SPTBN4: variants seen among roughly 807,000 people sequenced by gnomAD.
The protein encoded by SPTBN4 is spectrin beta, non-erythrocytic 4, also known as spectrin beta chain, non-erythrocytic 4.
Under a neutral mutation model 277.8 loss-of-function variants are expected in SPTBN4, and 96 were observed. The observed-to-expected ratio is 0.35, with a 90% CI of 0.29 to 0.41. The LOEUF (loss-of-function observed/expected upper bound fraction) is 0.41. Among genes scored for constraint, SPTBN4 ranks in the 10% least tolerant of loss-of-function variants. The probability of loss-of-function intolerance (pLI) is 1.00; values close to 1 mark genes in which losing one functional copy is unlikely to be tolerated. For synonymous variants in SPTBN4, 1,481 were observed against 1,580.3 expected (o/e 0.94, Z 1.49); for missense variants, 3,006 against 3,595.7 (o/e 0.84, Z 4.19).
chr19:40,469,100 GA>G (rs112252424), intron 1 of SPTBN4, among the ~76,000 whole-genome samples: 63 of 143,066 alleles, frequency 4.4e-4, no homozygotes, highest in Non-Finnish European at 5.1e-4. Flanking sequence ...CCTTGTCTCA[GA>G]AAAAAAAAAA....
intron 2 of SPTBN4, among the ~76,000 whole-genome samples, chr19:40,483,062 C>CA (rs1310864999): frequency 2.6e-5 from 4 of 151,944 alleles, no homozygotes; most frequent in African/African-American, 9.7e-5. Flanking sequence ...TATGAGTTCC[C>CA]AAAATCGATG....
At chr19:40,523,354 T>C in intron 16 of SPTBN4, 83 bp from the exon 17 acceptor site, 3 of 1,345,940 alleles carry the variant, frequency 2.2e-6, no homozygotes, top group South Asian at 2.7e-5. Context: ...TTGCGGGGAG[T>C]GGTGGCAAGC....
At chr19:40,540,732 T>TGAGCCCA (rs1483230899) in intron 20 of SPTBN4, among the ~76,000 whole-genome samples, 1 of 145,826 alleles carries the variant, frequency 6.9e-6, no homozygotes, top group Non-Finnish European at 1.5e-5. Flanking sequence ...GAGGATCACT[T>TGAGCCCA]GAGCCCAGGA....
At chr19:40,571,989 T>C in intron 33 of SPTBN4, 30 bp from the exon 34 acceptor site, 1 of 1,518,874 alleles carries the variant, frequency 6.6e-7, no homozygotes, top group Non-Finnish European at 8.8e-7. Flanking sequence ...GTGCTGCGGC[T>C]CTGCCTTGAG....
At chr19:40,535,884 G>T (rs549929795) in intron 20 of SPTBN4, among the ~76,000 whole-genome samples, 1 of 151,976 alleles carries the variant, frequency 6.6e-6, no homozygotes, top group Non-Finnish European at 1.5e-5. Context: ...TCACTTGAAC[G>T]GGGAGGCAGA....
At chr19:40,473,208 G>A (rs992779422) in intron 2 of SPTBN4, among the ~76,000 whole-genome samples, 7 of 151,898 alleles carry the variant, frequency 4.6e-5, no homozygotes, top group African/African-American at 1.7e-4. Flanking sequence ...CACCACACCC[G>A]GCTAATTCTT....
At chr19:40,541,761 T>C (rs1347711400) in intron 20 of SPTBN4, among the ~76,000 whole-genome samples, 1 of 152,138 alleles carries the variant, frequency 6.6e-6, no homozygotes, top group Non-Finnish European at 1.5e-5. Context: ...TTTATTTATT[T>C]TGAGACAGAA....
chr19:40,481,031 C>T (rs1276932443), intron 2 of SPTBN4, among the ~76,000 whole-genome samples: 5 of 152,086 alleles, frequency 3.3e-5, no homozygotes, highest in Non-Finnish European at 7.4e-5. Context: ...TGCCACTGGA[C>T]TCTAGCCTGG....
At position 40,554,377 on chromosome 19, in the gene SPTBN4, G is replaced by A; in HGVS notation, c.4905G>A (p.Ala1635=). Residue 1635 remains alanine (A), a synonymous_variant, in exon 23 of 36, where the codon GCG becomes GCA. Transcript: ENST00000598249. This position sits in a 1 kb window ranked among gnomAD's most constrained non-coding sequence, Gnocchi z 5.7. ...QYYFDVAEVE[A]WLGEQELLMM... is the part of the protein sequence containing the mutation. ...ACTTCGACGTGGCTGAGGTGGAGGC[G>A]TGGCTGGGCGAGCAGGAGCTGCTCA... The A allele has an allele frequency of 1.3e-6, 2 of 1,588,142 alleles. No homozygotes were observed. The highest frequency in any genetic ancestry group is 1.7e-6 in the Non-Finnish European group (2 of 1,171,480).
At chr19:40,514,387 G>C (rs1035074186) in intron 14 of SPTBN4, among the ~76,000 whole-genome samples, 12 of 152,206 alleles carry the variant, frequency 7.9e-5, no homozygotes, top group Admixed American at 7.9e-4. Context: ...GAGCGGGTAA[G>C]AGTTGTGGCT....
rs575973269 is a variant in SPTBN4, at chr19:40,511,338, G to GT, written c.1817-1267dup. Among the ~76,000 whole-genome samples, 71 of 151,574 alleles carry GT rather than the reference G, an allele frequency of 4.7e-4. 1 individual carries two copies. Among genetic ancestry groups the GT allele is most frequent in the African/African-American group, 1.6e-3 (65 of 41,298 alleles). On this transcript the variant is annotated intron_variant, in intron 13 of 35. Transcript: ENST00000598249. ...CAGGAGAATCACATCAACCTGGGAG[G>GT]TGGAGGCTGCAGTGAGCTGAGATCA... is the stretch of plus-strand genomic sequence containing the variant.
At chr19:40,531,847 A>G (rs1189010152) in intron 18 of SPTBN4, among the ~76,000 whole-genome samples, 1 of 151,480 alleles carries the variant, frequency 6.6e-6, no homozygotes, top group Admixed American at 6.6e-5. Flanking sequence ...TTTGGGGTAG[A>G]CTGGTTTGGA....
In SPTBN4 at chr19:40,557,465, G is replaced by C. The variant is rs116577461; in HGVS notation, c.5670+62G>C. The C allele has an allele frequency of 4.7e-4, 693 of 1,487,326 alleles. 1 individual carries two copies. In the African/African-American group the frequency reaches 9.0e-3, roughly 19 times the overall value. The allele number at this position is 1,487,326 out of a possible 1,614,324, so 92.1% of individuals were successfully genotyped here. On this transcript the variant is annotated intron_variant, in intron 26 of 35. Coordinates refer to ENST00000598249, the MANE Select transcript of SPTBN4 (RefSeq NM_020971.3). ...CCTGGACAGCTGTGGGCAGCAGAGT[G>C]GGCAAAAATCAGGCTGTGGAGCAGG...
At chr19:40,503,731 C>T in intron 11 of SPTBN4, 99 bp from the exon 12 acceptor site, 1 of 1,335,016 alleles carries the variant, frequency 7.5e-7, no homozygotes. Context: ...GGGCCAGTCT[C>T]CAAGGTAATG....
chr19:40,522,488 G>A (rs1451255999), intron 16 of SPTBN4, among the ~76,000 whole-genome samples: 1 of 151,410 alleles, frequency 6.6e-6, no homozygotes, highest in Non-Finnish European at 1.5e-5. Context: ...GAGTAGCTGG[G>A]ATAACAGGTG....
chr19:40,518,306 A>G (rs1371819704), intron 15 of SPTBN4, among the ~76,000 whole-genome samples: 4 of 152,098 alleles, frequency 2.6e-5, no homozygotes, highest in Non-Finnish European at 5.9e-5. Flanking sequence ...ACTCTGTCTA[A>G]AAAAGAAAAC....
chr19:40,475,784 A>G (rs2079940187), intron 2 of SPTBN4, among the ~76,000 whole-genome samples: 1 of 147,756 alleles, frequency 6.8e-6, no homozygotes, highest in South Asian at 2.2e-4. Flanking sequence ...TGATCTAGAA[A>G]CCTGTAGTCC....
rs1410853182 is a variant in SPTBN4 at position 40,502,659 on chromosome 19, A to AT, written c.1204-110dup. The AT allele has an allele frequency of 1.3e-6, 2 of 1,492,114 alleles. No individual in the cohort carries two copies. The highest frequency in any genetic ancestry group is 1.4e-5 in the African/African-American group (1 of 71,416). 92.4% of individuals were successfully genotyped at this position (1,492,114 alleles called of 1,614,324 possible). A position where few individuals can be genotyped will look rare whatever the true frequency, so the allele number is the denominator to read the frequency against. On this transcript the variant is annotated intron_variant, in intron 10 of 35. Transcript: ENST00000598249. The surrounding 1 kb of genome is among the most constrained non-coding windows in gnomAD (Gnocchi z 4.9). Reference sequence around the variant, plus strand: ...TAGTAAAGTGTCATAAGGAAGCAATATTTTTTCCAATTTGCATGAAGTTGC... The same window carrying AT: ...TAGTAAAGTGTCATAAGGAAGCAATATTTTTTTCCAATTTGCATGAAGTTGC...
At position 40,519,655 on chromosome 19, in the gene SPTBN4, C is replaced by T. The variant is rs747002524; in HGVS notation, c.3158C>T (p.Pro1053Leu). ...EEAALLAERF[P>L]AQAARLHQGA... Reference sequence around the variant, plus strand: ...GCAGCCCTGCTGGCTGAGCGCTTCCCGGCGCAGGCGGCGCGGCTGCACCAG... The same window carrying T: ...GCAGCCCTGCTGGCTGAGCGCTTCCTGGCGCAGGCGGCGCGGCTGCACCAG... The change falls in exon 16 of 36, where the codon CCG becomes CTG. Residue 1053 changes from proline to leucine, a missense_variant. By Grantham distance (98) the Pro-to-Leu change is moderately conservative. Transcript: ENST00000598249. This position sits in a 1 kb window ranked among gnomAD's most constrained non-coding sequence, Gnocchi z 5.7. 2 of 1,394,142 alleles carry T rather than the reference C, an allele frequency of 1.4e-6. No individual in the cohort carries two copies. The highest frequency in any genetic ancestry group is 1.8e-6 in the Non-Finnish European group (2 of 1,085,804). The allele number at this position is 1,394,142 out of a possible 1,614,324, so 86.4% of individuals were successfully genotyped here.
Sources: gnomAD v4.1 joint callset for allele counts (sites outside exome capture counted in the v4.1 genomes callset) on GRCh38, gnomAD v4.1.1 for gene constraint, Gnocchi (gnomAD v3.1) non-coding constraint, MANE v1.5 for transcripts, NCBI Gene and HGNC (gene_info 2026-07-23, HGNC 2026-07-21) for gene names.